Variants in PCDH9 observed in about 807,000 individuals in gnomAD.
PCDH9 encodes the protein protocadherin-9.
PCDH9 carries 24 observed loss-of-function variants against 70.6 expected under a neutral mutation model. The observed-to-expected ratio is 0.34, with a 90% CI of 0.25 to 0.48. PCDH9 has a LOEUF of 0.48. Ranked by LOEUF, PCDH9 falls within the 20% of genes least tolerant of loss-of-function variation. The pLI is 0.99. For synonymous variants in PCDH9, 562 were observed against 558.5 expected, an observed-to-expected ratio of 1.01 and a Z score of -0.09; for missense variants, 1,281 against 1,503.6, an observed-to-expected ratio of 0.85 and a Z score of 2.45.
chr13:66,547,947 A>T (rs1961289080), intron 4 of PCDH9, among the ~76,000 whole-genome samples: 1 of 147,798 alleles, frequency 6.8e-6, no homozygotes, highest in African/African-American at 2.5e-5. Context: ...TATATATTTA[A>T]TTATAAAATA....
chr13:67,034,018 T>C (rs2084959324), intron 2 of PCDH9, among the ~76,000 whole-genome samples: 1 of 152,180 alleles, frequency 6.6e-6, no homozygotes, highest in Non-Finnish European at 1.5e-5. Flanking sequence ...AGAGTCTTGC[T>C]CTGTCGCTCA....
intron 4 of PCDH9, among the ~76,000 whole-genome samples, chr13:66,551,420 AG>A (rs1178697962): frequency 6.6e-6 from 1 of 152,206 alleles, no homozygotes; most frequent in African/African-American, 2.4e-5. Context: ...TCTGTTAAAA[AG>A]AATTACAAAG....
intron 2 of PCDH9, among the ~76,000 whole-genome samples, chr13:67,006,609 C>T (rs906846352): frequency 2.0e-5 from 3 of 152,050 alleles, no homozygotes; most frequent in East Asian, 1.9e-4. Flanking sequence ...AGCAGATTGG[C>T]GAAGGGATAT....
intron 4 of PCDH9, among the ~76,000 whole-genome samples, chr13:66,507,698 T>TTTTTTTCTTTG (rs925907620): frequency 2.7e-5 from 4 of 149,454 alleles, no homozygotes; most frequent in African/African-American, 9.8e-5. Flanking sequence ...TTCCTTTCTT[T>TTTTTTTCTTTG]TTTGTTTGTT....
At chr13:66,341,698 T>A (rs577076590) in intron 4 of PCDH9, among the ~76,000 whole-genome samples, 7 of 152,240 alleles carry the variant, frequency 4.6e-5, no homozygotes, top group Admixed American at 1.3e-4. Flanking sequence ...TTCTGGGGTA[T>A]AAGGTGTACA....
At chr13:67,208,789 G>A (rs1375882483) in intron 2 of PCDH9, 1 of 152,088 alleles carries the variant, frequency 6.6e-6, no homozygotes, top group Non-Finnish European at 1.5e-5. Context: ...AGTAGTTGGA[G>A]GAATATCCAT....
chr13:66,303,401 TA>T lies in PCDH9; in HGVS notation c.*1253del, dbSNP rs1955404398. ...TAACAAACAGTTAAACAGCAATAATTAGAGATTTATCCCTTTATTTCCCCCA... is the reference window on the plus strand; with the variant it reads ...TAACAAACAGTTAAACAGCAATAATTGAGATTTATCCCTTTATTTCCCCCA... On this transcript the variant is annotated 3_prime_UTR_variant, in exon 5 of 5. Coordinates refer to ENST00000377865, the MANE Select transcript of PCDH9 (RefSeq NM_203487.3). 1.3e-5 allele frequency: 2 copies of T among 152,476 alleles called. No homozygotes were observed. The highest frequency in any genetic ancestry group is 4.8e-5 in the African/African-American group (2 of 41,432). The allele number at this position is 152,476 out of a possible 1,614,324, so 9.4% of individuals were successfully genotyped here.
At chr13:66,728,659 A>T (rs2079035077) in intron 3 of PCDH9, among the ~76,000 whole-genome samples, 1 of 152,102 alleles carries the variant, frequency 6.6e-6, no homozygotes, top group Non-Finnish European at 1.5e-5. Flanking sequence ...CCAGACTAAG[A>T]ATGCCTTCAA....
chr13:67,213,774 C>G (rs1046111762), intron 2 of PCDH9: 3 of 152,016 alleles, frequency 2.0e-5, no homozygotes, highest in Non-Finnish European at 4.4e-5. Flanking sequence ...ATGAAACTGT[C>G]TTCTTATATA....
intron 2 of PCDH9, among the ~76,000 whole-genome samples, chr13:67,028,223 G>A (rs992999730): frequency 1.6e-4 from 24 of 147,810 alleles, no homozygotes; most frequent in African/African-American, 5.5e-4. Context: ...TATACACCAT[G>A]GAATACTATG....
intron 2 of PCDH9, among the ~76,000 whole-genome samples, chr13:67,123,137 A>G (rs17516921): frequency 3.4e-3 from 514 of 152,294 alleles, no homozygotes; most frequent in Non-Finnish European, 5.5e-3. Flanking sequence ...TAACCCTTCT[A>G]GGCATGTTAT....
chr13:67,046,178 G>A (rs894396017), intron 2 of PCDH9, among the ~76,000 whole-genome samples: 4 of 152,148 alleles, frequency 2.6e-5, no homozygotes, highest in Admixed American at 1.3e-4. Flanking sequence ...TACCCTGCTA[G>A]CTATGTGGGC....
intron 2 of PCDH9, among the ~76,000 whole-genome samples, chr13:67,153,330 G>A (rs914267051): frequency 3.3e-5 from 5 of 151,916 alleles, no homozygotes; most frequent in African/African-American, 1.2e-4. Context: ...ACTGCACTTG[G>A]CTGATTTGTT....
At chr13:67,044,379 T>G (rs959056413) in intron 2 of PCDH9, among the ~76,000 whole-genome samples, 1 of 152,200 alleles carries the variant, frequency 6.6e-6, no homozygotes, top group Non-Finnish European at 1.5e-5. Context: ...ACATTTTGTA[T>G]GGTTATCAAA....
chr13:66,533,301 T>C (rs9540794), intron 4 of PCDH9, among the ~76,000 whole-genome samples: 37,023 of 152,026 alleles, frequency 0.24, 4,882 homozygotes, highest in South Asian at 0.34. Flanking sequence ...ATAAATATGT[T>C]CATTAGATTT....
chr13:67,213,923 T>C (rs2089530709), intron 2 of PCDH9: 1 of 152,206 alleles, frequency 6.6e-6, no homozygotes, highest in Non-Finnish European at 1.5e-5. Flanking sequence ...CTATATCTAC[T>C]TCTTATTTAG....
chr13:66,593,251 G>T (rs1019347546), intron 4 of PCDH9, among the ~76,000 whole-genome samples: 2 of 151,688 alleles, frequency 1.3e-5, no homozygotes, highest in African/African-American at 4.8e-5. Flanking sequence ...ATTTTGCAAG[G>T]CAATTTTAAT....
chr13:66,955,205 T>A (rs992807856), intron 2 of PCDH9, among the ~76,000 whole-genome samples: 16 of 152,202 alleles, frequency 1.1e-4, no homozygotes, highest in African/African-American at 3.4e-4. Flanking sequence ...GATTCCCTAA[T>A]AGAGCTTTTC....
chr13:66,955,885 A>G (rs1275123573), intron 2 of PCDH9, among the ~76,000 whole-genome samples: 5 of 152,112 alleles, frequency 3.3e-5, no homozygotes, highest in Admixed American at 2.0e-4. Flanking sequence ...TCAGGTCAGG[A>G]GTTCGACACC....
Sources: allele counts gnomAD v4.1 joint callset (sites outside exome capture counted in the v4.1 genomes callset), GRCh38; gene constraint gnomAD v4.1.1; transcripts MANE v1.5; gene names NCBI Gene and HGNC (gene_info 2026-07-23, HGNC 2026-07-21).